DSE: variants seen among roughly 807,000 people sequenced by gnomAD.
The protein encoded by DSE is dermatan-sulfate epimerase.
In DSE, 36 loss-of-function variants were observed where a neutral mutation model predicts 84.4. The observed-to-expected ratio is 0.43, with a 90% confidence interval of 0.33 to 0.56. The LOEUF (loss-of-function observed/expected upper bound fraction) is 0.56, where lower values mean the gene tolerates loss of function less well. Among genes scored for constraint, DSE ranks in the 20% least tolerant of loss-of-function variants. The pLI, the probability that DSE is intolerant of heterozygous loss-of-function variation, is 0.06. For synonymous variants in DSE, 410 were observed against 430.1 expected, an observed-to-expected ratio of 0.95 and a Z score of 0.58; for missense variants, 862 against 1,169.6, an observed-to-expected ratio of 0.74 and a Z score of 3.84.
chr6:116,295,404 A>AT (rs1191708369), intron 2 of DSE, among the ~76,000 whole-genome samples: 5 of 151,908 alleles, frequency 3.3e-5, no homozygotes, highest in South Asian at 2.1e-4. Context: ...ACATCCATTG[A>AT]TTTTTTTTCC....
chr6:116,308,151 T>C lies in DSE; in HGVS notation c.-54+49184T>C, dbSNP rs376332667. 3.3e-5 allele frequency among the ~76,000 whole-genome samples: 5 copies of C among 152,204 alleles called. No individual in the cohort carries two copies. The South Asian group carries it at 1.0e-3, about 31-fold the overall frequency. Reference sequence around the variant, plus strand: ...TGTGTTAACTATGTCATGGAGTGGATTTATTTCTCCTGTTGACTATTAGAC... The same window carrying C: ...TGTGTTAACTATGTCATGGAGTGGACTTATTTCTCCTGTTGACTATTAGAC... On this transcript the variant is annotated intron_variant, in intron 2 of 3. Transcript: ENST00000430252.
At chr6:116,377,506 G>A (rs1779997517) in intron 1 of DSE, among the ~76,000 whole-genome samples, 1 of 152,194 alleles carries the variant, frequency 6.6e-6, no homozygotes, top group Non-Finnish European at 1.5e-5. Context: ...TGCAGATGAT[G>A]TCGTGAATCC....
intron 2 of DSE, among the ~76,000 whole-genome samples, chr6:116,309,561 T>C (rs1230107528): frequency 6.6e-6 from 1 of 152,252 alleles, no homozygotes; most frequent in Non-Finnish European, 1.5e-5. Flanking sequence ...AACACAATAG[T>C]TATTGTCTGT....
intron 1 of DSE, among the ~76,000 whole-genome samples, chr6:116,396,388 G>C (rs1477068622): frequency 6.6e-6 from 1 of 152,190 alleles, no homozygotes; most frequent in Non-Finnish European, 1.5e-5. Flanking sequence ...GTGGGGCATG[G>C]GGAAGGTAGT....
Position 116,444,250 on chromosome 6 carries a change from TAAC to T in DSE, c.*6909_*6911del, listed in dbSNP as rs57504257. On this transcript the variant is annotated 3_prime_UTR_variant, in exon 6 of 6. Transcript: ENST00000644252. ...ATCACAGTTGAAATATCAATTGCAA[TAAC>T]AACTGAAAACTGATTGCTATTACTG... 2.0e-5 allele frequency: 3 copies of T among 152,320 alleles called. No homozygotes were observed. Among genetic ancestry groups the T allele is most frequent in the South Asian group, 2.1e-4 (1 of 4,830 alleles). 9.4% of individuals were successfully genotyped at this position (152,320 alleles called of 1,614,324 possible). A position where few individuals can be genotyped will look rare whatever the true frequency, so the allele number is the denominator to read the frequency against.
Position 116,436,425 on chromosome 6 carries a change from C to T in DSE, c.1957C>T (p.Leu653Phe). Residue 653 changes from leucine to phenylalanine, a missense_variant, in exon 6 of 6, where the codon CTC becomes TTC. Leu to Phe is a conservative substitution (Grantham distance 22, BLOSUM62 0). Coordinates refer to ENST00000644252, the MANE Select transcript of DSE (RefSeq NM_013352.4). ...GTNYVNVTMH[L>F]RSPITRAAYL... ...AAACTATGTGAATGTCACCATGCAC[C>T]TCCGAAGTCCCATCACCAGGGCAGC... 4 of 1,614,164 alleles carry T rather than the reference C, an allele frequency of 2.5e-6. No homozygotes were observed. The highest frequency in any genetic ancestry group is 2.2e-5 in the South Asian group (2 of 91,078).
At chr6:116,317,837 CT>C (rs1161687269) in intron 2 of DSE, among the ~76,000 whole-genome samples, 1 of 152,120 alleles carries the variant, frequency 6.6e-6, no homozygotes, top group Non-Finnish European at 1.5e-5. Flanking sequence ...TTATTTCTAC[CT>C]CTTGAAATAA....
At chr6:116,278,893 C>G (rs1773300279) in intron 2 of DSE, 5 of 1,614,144 alleles carry the variant, frequency 3.1e-6, no homozygotes, top group Non-Finnish European at 4.2e-6. Flanking sequence ...TCTAGGGTGT[C>G]TGAGTTCCTT....
At chr6:116,280,410 C>T in intron 2 of DSE, 1 of 183,184 alleles carries the variant, frequency 5.5e-6, no homozygotes, top group Non-Finnish European at 1.2e-5. Context: ...AGCTACTCAG[C>T]AGCCTCTTAC....
Position 116,279,883 on chromosome 6 carries a change from G to C in DSE, c.-54+20916G>C, listed in dbSNP as rs565846231. The C allele has an allele frequency of 1.8e-4, 291 of 1,612,160 alleles. 1 individual carries two copies. In the African/African-American group the frequency reaches 3.5e-3, roughly 19 times the overall value. On this transcript the variant is annotated intron_variant, in intron 2 of 3. Coordinates refer to the DSE transcript ENST00000430252. ...CGAACGCCCGTTTTCCTCAGAGGCCGAACTGGGAGCTAACCGCCGCTCGCA... is the reference window on the plus strand; with the variant it reads ...CGAACGCCCGTTTTCCTCAGAGGCCCAACTGGGAGCTAACCGCCGCTCGCA...
At chr6:116,359,120 A>AAT (rs768553049) in intron 2 of DSE, among the ~76,000 whole-genome samples, 51 of 152,060 alleles carry the variant, frequency 3.4e-4, no homozygotes, top group Non-Finnish European at 5.4e-4. Flanking sequence ...CTGAAACTTT[A>AAT]ATATATATAT....
intron 2 of DSE, among the ~76,000 whole-genome samples, chr6:116,409,412 G>A (rs980943623): frequency 4.6e-5 from 7 of 152,058 alleles, no homozygotes; most frequent in Non-Finnish European, 1.5e-5. Flanking sequence ...GAGTAGGCTC[G>A]GACTACAGGT....
At chr6:116,324,695 A>G (rs1776522445) in intron 2 of DSE, among the ~76,000 whole-genome samples, 1 of 152,192 alleles carries the variant, frequency 6.6e-6, no homozygotes, top group South Asian at 2.1e-4. Context: ...ATCCCCTCTC[A>G]TTGGTAGCTC....
chr6:116,298,239 T>C (rs1582966610), intron 2 of DSE, among the ~76,000 whole-genome samples: 1 of 152,202 alleles, frequency 6.6e-6, no homozygotes, highest in Admixed American at 6.5e-5. Context: ...AAGATGTCCA[T>C]GTTCTAGTCT....
intron 1 of DSE, among the ~76,000 whole-genome samples, chr6:116,376,827 G>A (rs1364816071): frequency 2.0e-5 from 3 of 152,156 alleles, no homozygotes; most frequent in Non-Finnish European, 2.9e-5. Flanking sequence ...TATAACAAAA[G>A]ACATATAGGC....
upstream of DSE, chr6:116,366,780 A>G (rs1779187004): frequency 2.0e-5 from 3 of 152,304 alleles, no homozygotes; most frequent in South Asian, 6.2e-4. Flanking sequence ...TGAACCATTT[A>G]TGGTTTGGGA....
intron 2 of DSE, among the ~76,000 whole-genome samples, chr6:116,346,768 A>G (rs567824474): frequency 7.9e-5 from 12 of 152,318 alleles, no homozygotes; most frequent in African/African-American, 2.9e-4. Flanking sequence ...AGTTCTGGCC[A>G]GGGCAATCAG....
At chr6:116,275,032 T>G (rs1773062133) in intron 2 of DSE, among the ~76,000 whole-genome samples, 1 of 152,240 alleles carries the variant, frequency 6.6e-6, no homozygotes. Flanking sequence ...CAAAAATATT[T>G]CAACATGCAA....
rs1784506560 is a variant in DSE at position 116,444,074 on chromosome 6, T to C, written c.*6729T>C. On this transcript the variant is annotated 3_prime_UTR_variant, in exon 6 of 6. Coordinates refer to ENST00000644252, the MANE Select transcript of DSE (RefSeq NM_013352.4). Reference sequence around the variant, plus strand: ...CCTCTCTTGAAGGTATTTGTTTTACTGACAAAAGAATGGATCCAGGTCATT... The same window carrying C: ...CCTCTCTTGAAGGTATTTGTTTTACCGACAAAAGAATGGATCCAGGTCATT... The C allele has an allele frequency of 6.6e-6, 1 of 152,222 alleles. No homozygotes were observed. The highest frequency in any genetic ancestry group is 1.5e-5 in the Non-Finnish European group (1 of 68,044). 9.4% of individuals were successfully genotyped at this position (152,222 alleles called of 1,614,324 possible).
Sources: allele counts gnomAD v4.1 joint callset (sites outside exome capture counted in the v4.1 genomes callset), GRCh38; gene constraint gnomAD v4.1.1; transcripts MANE v1.5; gene names NCBI Gene and HGNC (gene_info 2026-07-23, HGNC 2026-07-21).